RACGAP1: variants seen among roughly 807,000 people sequenced by gnomAD.
RACGAP1 encodes the protein Rac GTPase activating protein 1.
A neutral mutation model predicts 78.1 loss-of-function variants in RACGAP1; 30 were observed. The ratio of observed to expected loss-of-function variants is 0.38; its 90% confidence interval spans 0.29 to 0.52. RACGAP1 has a LOEUF of 0.52. Among genes scored for constraint, RACGAP1 ranks in the 20% least tolerant of loss-of-function variants. The pLI, the probability that RACGAP1 is intolerant of heterozygous loss-of-function variation, is 0.82. For missense variants in RACGAP1, 587 were observed against 777.1 expected (o/e 0.76, Z 2.91); for synonymous variants, 231 against 264.8 (o/e 0.87, Z 1.24).
At chr12:49,999,332 G>A in intron 8 of RACGAP1, 61 bp from the exon 9 acceptor site, 1 of 1,545,844 alleles carries the variant, frequency 6.5e-7, no homozygotes, top group Non-Finnish European at 8.7e-7. Flanking sequence ...CTAAATTTTA[G>A]CTCCAATTTT....
At chr12:50,019,061 C>T (rs1163311642) in intron 1 of RACGAP1, among the ~76,000 whole-genome samples, 1 of 152,144 alleles carries the variant, frequency 6.6e-6, no homozygotes. Context: ...TTTGATTTCC[C>T]TATTTTTATC....
chr12:50,022,459 G>A (rs1180028565), intron 1 of RACGAP1, among the ~76,000 whole-genome samples: 1 of 152,138 alleles, frequency 6.6e-6, no homozygotes, highest in Non-Finnish European at 1.5e-5. Flanking sequence ...GTGCATGCCT[G>A]TAATCCCAGC....
At chr12:50,006,743 C>T (rs1460284829) in intron 2 of RACGAP1, 107 bp from the exon 3 acceptor site, 3 of 1,157,700 alleles carry the variant, frequency 2.6e-6, no homozygotes, top group Non-Finnish European at 3.7e-6. Flanking sequence ...ATTAAGGAAC[C>T]AGCTGAACTA....
intron 2 of RACGAP1, among the ~76,000 whole-genome samples, chr12:50,015,630 T>C (rs1038786626): frequency 6.6e-6 from 1 of 151,680 alleles, no homozygotes; most frequent in Non-Finnish European, 1.5e-5. Flanking sequence ...CGAAACCCCG[T>C]CTCTACTGAA....
intron 1 of RACGAP1, chr12:50,017,056 A>G (rs1236549079): frequency 1.9e-6 from 2 of 1,041,480 alleles, no homozygotes; most frequent in African/African-American, 1.7e-5. Flanking sequence ...AGTCAAGCCT[A>G]TTGATTAATA....
chr12:50,027,979 G>C (rs993476923), upstream of RACGAP1, among the ~76,000 whole-genome samples: 2 of 152,176 alleles, frequency 1.3e-5, no homozygotes, highest in African/African-American at 4.8e-5. Flanking sequence ...GAAAAGGAGA[G>C]ACTGGCAAAG....
At chr12:50,028,153 T>C (rs562591354), upstream of RACGAP1, among the ~76,000 whole-genome samples, 39 of 152,294 alleles carry the variant, frequency 2.6e-4, no homozygotes, top group Middle Eastern at 3.4e-3. Context: ...AGGTAGACTC[T>C]CTATTTAGGC....
chr12:49,994,228 A>G lies in RACGAP1; in HGVS notation c.1242T>C (p.Asp414=). The G allele has an allele frequency of 6.2e-7, 1 of 1,614,150 alleles. No homozygotes were observed. Among genetic ancestry groups the G allele is most frequent in the Non-Finnish European group, 8.5e-7 (1 of 1,180,008 alleles). Residue 414 remains aspartate (D), a synonymous_variant, in exon 12 of 17, where the codon GAT becomes GAC. Transcript: ENST00000312377. The stretch of plus-strand genomic sequence containing the variant: ...TTAGAAGGCTACAGATAGCATGGAT[A>G]TCATCCACTTTGCTGAGGAGGGGTA... ...KTVPLLSKVD[D]IHAICSLLKD... is the part of the protein sequence containing the mutation.
intron 5 of RACGAP1, chr12:50,002,628 T>G: frequency 4.5e-6 from 1 of 222,818 alleles, no homozygotes; most frequent in Admixed American, 5.1e-5. Context: ...TTTTAGAACT[T>G]ACAGAATGTT....
At chr12:49,993,563 G>C (rs1424928600) in intron 12 of RACGAP1, among the ~76,000 whole-genome samples, 11 of 151,948 alleles carry the variant, frequency 7.2e-5, no homozygotes, top group African/African-American at 2.7e-4. Context: ...AAGGTGGGTA[G>C]ATCACCTGAG....
At chr12:50,024,118 GC>G (rs1289262974) in intron 1 of RACGAP1, among the ~76,000 whole-genome samples, 1 of 151,324 alleles carries the variant, frequency 6.6e-6, no homozygotes, top group Non-Finnish European at 1.5e-5. Flanking sequence ...CCGAGATCGC[GC>G]CACTGCACTC....
chr12:50,025,468 C>T lies in RACGAP1; in HGVS notation c.-75G>A. 7 of 985,716 alleles carry T rather than the reference C, an allele frequency of 7.1e-6. No individual in the cohort carries two copies. Among genetic ancestry groups the T allele is most frequent in the Non-Finnish European group, 8.4e-6 (7 of 830,162 alleles). 61.1% of individuals were successfully genotyped at this position (985,716 alleles called of 1,614,324 possible). ...CGCCTCACCCAACGGCAGAGCAGCGCCGCGCCCACAGCTCCGGTTTGAAAA... is the reference window on the plus strand; with the variant it reads ...CGCCTCACCCAACGGCAGAGCAGCGTCGCGCCCACAGCTCCGGTTTGAAAA... On this transcript the variant is annotated 5_prime_UTR_variant, in exon 1 of 17. Transcript: ENST00000312377.
At chr12:50,003,645 C>G (rs961316360) in intron 5 of RACGAP1, among the ~76,000 whole-genome samples, 6 of 152,194 alleles carry the variant, frequency 3.9e-5, no homozygotes, top group African/African-American at 1.2e-4. Flanking sequence ...CAGGAGATGA[C>G]CTTTTATGCA....
At chr12:50,009,242 CAAA>C (rs397751749) in intron 2 of RACGAP1, among the ~76,000 whole-genome samples, 16 of 65,250 alleles carry the variant, frequency 2.5e-4, no homozygotes, top group Non-Finnish European at 1.7e-4. Flanking sequence ...GATGCTGTCT[CAAA>C]AAAAAAAAAA....
chr12:50,004,428 T>C lies in RACGAP1; in HGVS notation c.426-124A>G, dbSNP rs993053904. The C allele has an allele frequency of 1.1e-5, 15 of 1,377,630 alleles. No individual in the cohort carries two copies. In the East Asian group the frequency reaches 2.6e-4, roughly 24 times the overall value. 85.3% of individuals were successfully genotyped at this position (1,377,630 alleles called of 1,614,324 possible). ...TAATTTCATAGCAAAATCTTCACTA[T>C]AGAGACAATTACAATCTCAAACCCT... On this transcript the variant is annotated intron_variant, in intron 4 of 16. Transcript: ENST00000312377.
chr12:50,003,832 G>A (rs1948823332), intron 5 of RACGAP1, among the ~76,000 whole-genome samples: 1 of 152,182 alleles, frequency 6.6e-6, no homozygotes, highest in African/African-American at 2.4e-5. Flanking sequence ...GTATGACTAT[G>A]CTTTCCCCAA....
chr12:50,004,414 C>A, intron 4 of RACGAP1, 110 bp from the exon 5 acceptor site: 2 of 1,415,278 alleles, frequency 1.4e-6, no homozygotes, highest in South Asian at 1.6e-5. Flanking sequence ...AATTTCATAG[C>A]AAAATCTTCA....
chr12:50,015,186 AT>A lies in RACGAP1; in HGVS notation c.85+1444del, dbSNP rs575994057. ...TGAGCCACTATGCCCGACCGCTAAT[AT>A]TTTCAGAGACAGTCTTGCTATGTTG... On this transcript the variant is annotated intron_variant, in intron 2 of 16. Transcript: ENST00000312377. Among the ~76,000 whole-genome samples, 33 of 151,948 alleles carry A rather than the reference AT, an allele frequency of 2.2e-4. No homozygotes were observed. In the South Asian group the frequency reaches 6.0e-3, roughly 28 times the overall value.
intron 9 of RACGAP1, among the ~76,000 whole-genome samples, chr12:49,998,086 GA>G (rs1206382034): frequency 6.6e-6 from 1 of 152,122 alleles, no homozygotes; most frequent in Non-Finnish European, 1.5e-5. Flanking sequence ...ATAGTGGAAA[GA>G]ACTTGTTTAC....
Sources: gnomAD v4.1 joint callset for allele counts (sites outside exome capture counted in the v4.1 genomes callset) on GRCh38, gnomAD v4.1.1 for gene constraint, MANE v1.5 for transcripts, NCBI Gene and HGNC (gene_info 2026-07-23, HGNC 2026-07-21) for gene names.